COMMD1: variants seen among roughly 807,000 people sequenced by gnomAD.
The protein encoded by COMMD1 is COMM domain-containing protein 1.
In COMMD1, 10 loss-of-function variants were observed where a neutral mutation model predicts 17.2. The ratio of observed to expected loss-of-function variants is 0.58; its 90% CI spans 0.36 to 0.99. The LOEUF (loss-of-function observed/expected upper bound fraction) is 0.99, where lower values mean the gene tolerates loss of function less well. Among genes scored for constraint, COMMD1 ranks in the 50% least tolerant of loss-of-function variants. COMMD1 has a pLI of 0.01. For missense variants in COMMD1, 270 were observed against 231.8 expected (o/e 1.17, Z -1.07); for synonymous variants, 97 against 91.6 (o/e 1.06, Z -0.34).
intron 2 of COMMD1, among the ~76,000 whole-genome samples, chr2:62,068,785 C>T (rs1196468114): frequency 1.3e-5 from 2 of 151,538 alleles, no homozygotes; most frequent in East Asian, 1.9e-4. Context: ...CCAGCACACC[C>T]GGCTGATTTT....
At chr2:62,070,548 TAAA>T (rs70946779) in intron 2 of COMMD1, among the ~76,000 whole-genome samples, 16 of 131,094 alleles carry the variant, frequency 1.2e-4, no homozygotes, top group African/African-American at 3.7e-4. Flanking sequence ...ACCCTGTCTC[TAAA>T]AAAAAAAAAA....
chr2:62,000,992 A>C lies in COMMD1; in HGVS notation c.462+10A>C, dbSNP rs1263688328. ...AGGCAAATATGGACAGGTGAGTTAA[A>C]CTTAAGTCAATTTTCCTTTGTAAAC... is the stretch of plus-strand genomic sequence containing the variant. On this transcript the variant is annotated intron_variant, in intron 2 of 2. Coordinates refer to ENST00000311832, the MANE Select transcript of COMMD1 (RefSeq NM_152516.4). The C allele has an allele frequency of 6.2e-7, 1 of 1,610,124 alleles. No individual in the cohort carries two copies. Among genetic ancestry groups the C allele is most frequent in the East Asian group, 2.2e-5 (1 of 44,888 alleles).
intron 1 of COMMD1, among the ~76,000 whole-genome samples, chr2:61,955,314 C>T (rs1430414975): frequency 1.4e-5 from 2 of 143,302 alleles, no homozygotes; most frequent in Admixed American, 6.9e-5. Context: ...CTCTCTCTTT[C>T]TCTCTCTCTC....
At chr2:61,953,138 T>C (rs1242862505) in intron 1 of COMMD1, among the ~76,000 whole-genome samples, 1 of 151,534 alleles carries the variant, frequency 6.6e-6, no homozygotes, top group East Asian at 2.0e-4. Context: ...GCCTCCTGAG[T>C]AGCTGGGATT....
chr2:61,892,140 A>G (rs1251884604), intron 1 of COMMD1, among the ~76,000 whole-genome samples: 2 of 151,874 alleles, frequency 1.3e-5, no homozygotes, highest in African/African-American at 2.4e-5. Context: ...CAGCTTTCCT[A>G]TATTTAAAAA....
chr2:62,016,208 T>C (rs1669442326), intron 2 of COMMD1, among the ~76,000 whole-genome samples: 1 of 137,832 alleles, frequency 7.3e-6, no homozygotes, highest in Admixed American at 7.1e-5. Flanking sequence ...TTTCTTTTCT[T>C]TTTTTTTTTT....
intron 2 of COMMD1, among the ~76,000 whole-genome samples, chr2:62,076,825 G>A (rs1347439586): frequency 2.0e-5 from 3 of 152,134 alleles, no homozygotes; most frequent in East Asian, 3.8e-4. Flanking sequence ...CAAGTGGCTT[G>A]TTGAGTATTT....
At chr2:62,126,988 C>T (rs1318166624) in intron 2 of COMMD1, among the ~76,000 whole-genome samples, 1 of 152,184 alleles carries the variant, frequency 6.6e-6, no homozygotes, top group East Asian at 1.9e-4. Context: ...CCTATCATCT[C>T]AGCCCAAAAG....
At chr2:62,037,620 G>A (rs760779113) in intron 2 of COMMD1, among the ~76,000 whole-genome samples, 3 of 152,162 alleles carry the variant, frequency 2.0e-5, no homozygotes, top group Non-Finnish European at 4.4e-5. Context: ...TTTACATTTT[G>A]CTCCTTGGAG....
chr2:62,063,657 T>A (rs1167117629), intron 2 of COMMD1, among the ~76,000 whole-genome samples: 1 of 152,006 alleles, frequency 6.6e-6, no homozygotes, highest in African/African-American at 2.4e-5. Flanking sequence ...TTGACCTGCA[T>A]GTTTCTATAA....
chr2:62,032,435 C>G (rs1669932015), intron 2 of COMMD1, among the ~76,000 whole-genome samples: 1 of 152,184 alleles, frequency 6.6e-6, no homozygotes, highest in African/African-American at 2.4e-5. Flanking sequence ...ACAGAGGAGG[C>G]TCGGGTGGGA....
chr2:61,946,235 A>G (rs1670901407), intron 1 of COMMD1, among the ~76,000 whole-genome samples: 1 of 152,152 alleles, frequency 6.6e-6, no homozygotes, highest in Non-Finnish European at 1.5e-5. Context: ...GTTCAGGAAA[A>G]CCTAGTTATT....
At chr2:61,905,177 T>C (rs1412652397), upstream of COMMD1, among the ~76,000 whole-genome samples, 1 of 151,974 alleles carries the variant, frequency 6.6e-6, no homozygotes, top group African/African-American at 2.4e-5. Flanking sequence ...GAAAGACAAG[T>C]GTATATAAAA....
intron 2 of COMMD1, among the ~76,000 whole-genome samples, chr2:62,029,413 T>A (rs969532457): frequency 1.7e-4 from 26 of 152,030 alleles, no homozygotes; most frequent in African/African-American, 6.0e-4. Flanking sequence ...ACAGAAAAAA[T>A]ATATATAATG....
chr2:62,051,064 A>G (rs535711893), intron 2 of COMMD1, among the ~76,000 whole-genome samples: 2 of 152,182 alleles, frequency 1.3e-5, no homozygotes, highest in Non-Finnish European at 2.9e-5. Flanking sequence ...ATGCCCTCTA[A>G]TGAGAAGACT....
chr2:61,915,772 A>G (rs751586158), intron 1 of COMMD1: 13 of 441,834 alleles, frequency 2.9e-5, no homozygotes, highest in South Asian at 2.1e-4. Flanking sequence ...CTGGGATTAC[A>G]GGTATGAGCC....
At chr2:61,931,377 A>G (rs1203666183) in intron 1 of COMMD1, among the ~76,000 whole-genome samples, 2 of 152,128 alleles carry the variant, frequency 1.3e-5, no homozygotes, top group Non-Finnish European at 2.9e-5. Context: ...GGAAACCAAT[A>G]TGCTGATAGA....
chr2:61,920,412 CTT>C (rs889470083), intron 1 of COMMD1, among the ~76,000 whole-genome samples: 2 of 144,010 alleles, frequency 1.4e-5, no homozygotes, highest in Non-Finnish European at 1.5e-5. Context: ...AAAGAACATA[CTT>C]TTTTTTTTTT....
chr2:61,939,445 G>A lies in COMMD1; in HGVS notation c.180+33587G>A, dbSNP rs1199708751. On this transcript the variant is annotated intron_variant, in intron 1 of 2. Coordinates refer to ENST00000311832, the MANE Select transcript of COMMD1 (RefSeq NM_152516.4). The stretch of plus-strand genomic sequence containing the variant: ...TGCGCCACTGCACTCCAGCCTGGGC[G>A]ACAGAGCAAGACTCCGTCTCAGAAA... Among the ~76,000 whole-genome samples, 9 of 150,842 alleles carry A rather than the reference G, an allele frequency of 6.0e-5. 1 individual carries two copies. Among genetic ancestry groups the A allele is most frequent in the East Asian group, 1.9e-4 (1 of 5,162 alleles).
Sources: allele counts gnomAD v4.1 joint callset (sites outside exome capture counted in the v4.1 genomes callset), GRCh38; gene constraint gnomAD v4.1.1; transcripts MANE v1.5; gene names NCBI Gene and HGNC (gene_info 2026-07-23, HGNC 2026-07-21).